USP6NL: variants seen among roughly 807,000 people sequenced by gnomAD.
USP6NL encodes the protein USP6 N-terminal-like protein.
In USP6NL, 26 loss-of-function variants were observed where a neutral mutation model predicts 61.9. The ratio of observed to expected loss-of-function variants is 0.42; its 90% CI spans 0.31 to 0.58. The LOEUF (loss-of-function observed/expected upper bound fraction) is 0.58. Ranked by LOEUF, USP6NL falls within the 20% of genes least tolerant of loss-of-function variation. The pLI is 0.16. For missense variants in USP6NL, 1,114 were observed against 1,034.3 expected (o/e 1.08, Z -1.06); for synonymous variants, 432 against 390.1 (o/e 1.11, Z -1.27).
intron 5 of USP6NL, among the ~76,000 whole-genome samples, chr10:11,512,213 C>CTAAA (rs1834751019): frequency 6.6e-6 from 1 of 152,150 alleles, no homozygotes; most frequent in Non-Finnish European, 1.5e-5. Context: ...TCAACAGAGA[C>CTAAA]TTTAAAGTCG....
At chr10:11,469,220 C>G (rs1832618812) in intron 14 of USP6NL, among the ~76,000 whole-genome samples, 1 of 152,202 alleles carries the variant, frequency 6.6e-6, no homozygotes. Context: ...CCCCTAATAT[C>G]TTTTCCCTCC....
At chr10:11,610,780 G>C (rs1433808841) in intron 1 of USP6NL, among the ~76,000 whole-genome samples, 1 of 151,994 alleles carries the variant, frequency 6.6e-6, no homozygotes, top group East Asian at 1.9e-4. Context: ...ATAAGGGTTG[G>C]GGGTGGGGAG....
intron 2 of USP6NL, among the ~76,000 whole-genome samples, chr10:11,542,738 A>C (rs1836116931): frequency 6.6e-6 from 1 of 152,146 alleles, no homozygotes; most frequent in Non-Finnish European, 1.5e-5. Context: ...TAATAATAAA[A>C]CAAAAGCATG....
At chr10:11,555,433 A>AAAAAAAATATAT (rs1275798295) in intron 2 of USP6NL, among the ~76,000 whole-genome samples, 6 of 49,020 alleles carry the variant, frequency 1.2e-4, no homozygotes, top group Non-Finnish European at 2.1e-4. Flanking sequence ...AAAAAAAAAA[A>AAAAAAAATATAT]ATATATATAT....
intron 6 of USP6NL, among the ~76,000 whole-genome samples, chr10:11,508,096 T>G (rs1159007199): frequency 3.3e-5 from 5 of 152,282 alleles, no homozygotes; most frequent in African/African-American, 4.8e-5. Context: ...CTGAAAAAAG[T>G]GTGAGGAATG....
At position 11,591,512 on chromosome 10, in the gene USP6NL, C is replaced by T. The variant is rs1219218787; in HGVS notation, c.4+6119G>A. On this transcript the variant is annotated intron_variant, in intron 2 of 14. Coordinates refer to ENST00000609104, the MANE Select transcript of USP6NL (RefSeq NM_014688.5). This position sits in a 1 kb window ranked among gnomAD's most constrained non-coding sequence, Gnocchi z 4.7. ...ATTCAGAAGCTTTACTAAGCTTATA[C>T]TACTATAGTAATTTACATTTATGCA... 2.0e-5 allele frequency among the ~76,000 whole-genome samples: 3 copies of T among 151,988 alleles called. No homozygotes were observed. The highest frequency in any genetic ancestry group is 4.4e-5 in the Non-Finnish European group (3 of 67,986).
At position 11,596,390 on chromosome 10, in the gene USP6NL, G is replaced by A. The variant is rs1390456738; in HGVS notation, c.4+1241C>T. Among the ~76,000 whole-genome samples the A allele has an allele frequency of 2.0e-5, 3 of 152,136 alleles. No individual in the cohort carries two copies. Among genetic ancestry groups the A allele is most frequent in the Non-Finnish European group, 4.4e-5 (3 of 68,014 alleles). On this transcript the variant is annotated intron_variant, in intron 2 of 14. Transcript: ENST00000609104. This position sits in a 1 kb window ranked among gnomAD's most constrained non-coding sequence, Gnocchi z 4.1. ...TAATCCCAGCATTTTGGGAGGCTGA[G>A]GCGGGCGGATCACAAGGTCAGGAGA...
At chr10:11,566,145 G>C (rs76005161) in intron 2 of USP6NL, among the ~76,000 whole-genome samples, 4,893 of 152,310 alleles carry the variant, frequency 0.032, 122 homozygotes, top group Middle Eastern at 0.082. Context: ...TGAAATGCCT[G>C]ATGAAGGAGG....
In USP6NL at chr10:11,575,530, G is replaced by A. The variant is rs1837509424; in HGVS notation, c.4+22101C>T. Among the ~76,000 whole-genome samples, 1 of 152,144 alleles carries A rather than the reference G, an allele frequency of 6.6e-6. No homozygotes were observed. The highest frequency in any genetic ancestry group is 2.4e-5 in the African/African-American group (1 of 41,438). ...CAGTCAACTATTTCCTCCATACCTGGCCAGGGAAGAGAGGAGTATCTAAAT... is the reference window on the plus strand; with the variant it reads ...CAGTCAACTATTTCCTCCATACCTGACCAGGGAAGAGAGGAGTATCTAAAT... On this transcript the variant is annotated intron_variant, in intron 2 of 14. Transcript: ENST00000609104. This position sits in a 1 kb window ranked among gnomAD's most constrained non-coding sequence, Gnocchi z 4.2.
At chr10:11,523,642 A>T (rs1223015660) in intron 4 of USP6NL, among the ~76,000 whole-genome samples, 1 of 152,122 alleles carries the variant, frequency 6.6e-6, no homozygotes, top group Admixed American at 6.5e-5. Context: ...AAAAAAAAGT[A>T]CCTCTTGTTT....
At chr10:11,558,737 ACTC>A (rs1836811813) in intron 2 of USP6NL, among the ~76,000 whole-genome samples, 1 of 151,986 alleles carries the variant, frequency 6.6e-6, no homozygotes, top group African/African-American at 2.4e-5. Context: ...TTTAAAGTAA[ACTC>A]CTACTGAAAT....
At position 11,555,092 on chromosome 10, in the gene USP6NL, GTT is replaced by G. The variant is rs1218851928; in HGVS notation, c.5-27527_5-27526del. Among the ~76,000 whole-genome samples the G allele has an allele frequency of 4.8e-3, 551 of 114,312 alleles. 3 individuals carry two copies. The highest frequency in any genetic ancestry group is 0.023 in the Middle Eastern group (5 of 214). 75.0% of individuals were successfully genotyped at this position (114,312 alleles called of 152,430 possible). On this transcript the variant is annotated intron_variant, in intron 2 of 14. Coordinates refer to ENST00000609104, the MANE Select transcript of USP6NL (RefSeq NM_014688.5). ...AGGCATGAGCCACCGCGCCTGGCCT[GTT>G]TTTTTTTTTTTTTGGTTTTTTTTTT... is the stretch of plus-strand genomic sequence containing the variant.
In USP6NL at chr10:11,460,624, CATATATATATATATATATAT is replaced by C. The variant is rs57177555; in HGVS notation, c.*1797_*1816del. 2 of 126,660 alleles carry C rather than the reference CATATATATATATATATATAT, an allele frequency of 1.6e-5. No homozygotes were observed. The highest frequency in any genetic ancestry group is 3.4e-5 in the Non-Finnish European group (2 of 58,324). The allele number at this position is 126,660 out of a possible 1,614,324, so 7.8% of individuals were successfully genotyped here. ...CTTGTGTGTATATATATATTTTTTG[CATATATATATATATATATAT>C]ATATATATATAAAAATCTACAGTAT... On this transcript the variant is annotated 3_prime_UTR_variant, in exon 15 of 15. Coordinates refer to ENST00000609104, the MANE Select transcript of USP6NL (RefSeq NM_014688.5).
rs1835500750 is a variant in USP6NL at position 11,528,185 on chromosome 10, G to A, written c.5-618C>T. 6.7e-6 allele frequency among the ~76,000 whole-genome samples: 1 copy of A among 150,216 alleles called. No homozygotes were observed. The highest frequency in any genetic ancestry group is 1.5e-5 in the Non-Finnish European group (1 of 67,648). ...CCCTTCATCCTTATTAACATTAGGA[G>A]ACTTTCAAAAACATAAATCTGACAA... On this transcript the variant is annotated intron_variant, in intron 2 of 14. Coordinates refer to ENST00000609104, the MANE Select transcript of USP6NL (RefSeq NM_014688.5). The surrounding 1 kb of genome is among the most constrained non-coding windows in gnomAD (Gnocchi z 4.6).
Position 11,598,888 on chromosome 10 carries a change from G to A in USP6NL, c.-83-1171C>T, listed in dbSNP as rs374399142. 2.0e-5 allele frequency among the ~76,000 whole-genome samples: 3 copies of A among 152,332 alleles called. No homozygotes were observed. Among genetic ancestry groups the A allele is most frequent in the East Asian group, 1.9e-4 (1 of 5,188 alleles). On this transcript the variant is annotated intron_variant, in intron 1 of 14. Transcript: ENST00000609104. The surrounding 1 kb of genome is among the most constrained non-coding windows in gnomAD (Gnocchi z 4.7). Reference sequence around the variant, plus strand: ...AGCACTTACGTGCCCAGCATGGCCCGCACACTGTAATTAGCATGGCATAGA... The same window carrying A: ...AGCACTTACGTGCCCAGCATGGCCCACACACTGTAATTAGCATGGCATAGA...
intron 5 of USP6NL, among the ~76,000 whole-genome samples, chr10:11,514,319 G>GGGGCGCATATCATGTTCCTTAAC (rs1266109166): frequency 6.6e-6 from 1 of 151,700 alleles, no homozygotes; most frequent in Non-Finnish European, 1.5e-5. Context: ...AATCAATTAT[G>GGGGCGCATATCATGTTCCTTAAC]ACTGTGATGG....
At chr10:11,522,538 TA>T in intron 4 of USP6NL, among the ~76,000 whole-genome samples, 1 of 152,358 alleles carries the variant, frequency 6.6e-6, no homozygotes, top group East Asian at 1.9e-4. Flanking sequence ...TGGTGAAATT[TA>T]ATAAGGCTTG....
intron 1 of USP6NL, among the ~76,000 whole-genome samples, chr10:11,607,076 A>T (rs1838730371): frequency 6.6e-6 from 1 of 152,216 alleles, no homozygotes; most frequent in African/African-American, 2.4e-5. Flanking sequence ...GGAGTGAGCT[A>T]TCACACCTGG....
intron 4 of USP6NL, among the ~76,000 whole-genome samples, chr10:11,523,420 A>G (rs890793586): frequency 1.3e-5 from 2 of 152,284 alleles, no homozygotes; most frequent in African/African-American, 2.4e-5. Context: ...TTATTTTACA[A>G]TTTCAGTTTT....
Sources: allele counts gnomAD v4.1 joint callset (sites outside exome capture counted in the v4.1 genomes callset), GRCh38; gene constraint gnomAD v4.1.1; non-coding constraint Gnocchi (gnomAD v3.1); transcripts MANE v1.5; gene names NCBI Gene and HGNC (gene_info 2026-07-23, HGNC 2026-07-21).